STAC: variants seen among roughly 807,000 people sequenced by gnomAD.
STAC encodes the protein SH3 and cysteine rich domain.
A neutral mutation model predicts 48.8 loss-of-function variants in STAC; 43 were observed. The observed-to-expected ratio is 0.88, with a 90% CI of 0.69 to 1.14. The LOEUF is 1.14. Ranked by LOEUF, STAC falls within the 50% of genes most tolerant of loss-of-function variation. The pLI, the probability that STAC is intolerant of heterozygous loss-of-function variation, is 0.00. For missense variants in STAC, 497 were observed against 504.0 expected (o/e 0.99, Z 0.13); for synonymous variants, 193 against 179.5 (o/e 1.07, Z -0.60).
chr3:36,518,644 C>T (rs527504746), intron 8 of STAC, among the ~76,000 whole-genome samples: 33 of 152,296 alleles, frequency 2.2e-4, no homozygotes, highest in African/African-American at 6.5e-4. Flanking sequence ...CTCAGATTCT[C>T]CATGGGCAAG....
Position 36,431,892 on chromosome 3 carries a change from T to C in STAC, c.112-11472T>C, listed in dbSNP as rs1700713785. Reference sequence around the variant, plus strand: ...ATCTGCAAACTTCACTTCCTCTCAGTATTCAGTAGAAAAAAGGGCTATTAT... The same window carrying C: ...ATCTGCAAACTTCACTTCCTCTCAGCATTCAGTAGAAAAAAGGGCTATTAT... On this transcript the variant is annotated intron_variant, in intron 1 of 10. Transcript: ENST00000273183. Among the ~76,000 whole-genome samples the C allele has an allele frequency of 2.0e-5, 3 of 152,168 alleles. No homozygotes were observed. In the South Asian group the frequency reaches 6.2e-4, roughly 32 times the overall value.
intron 5 of STAC, among the ~76,000 whole-genome samples, chr3:36,490,037 G>T (rs78562003): frequency 6.6e-6 from 1 of 152,182 alleles, no homozygotes; most frequent in Non-Finnish European, 1.5e-5. Context: ...TGATTCTGAT[G>T]CACATTAAAG....
intron 8 of STAC, among the ~76,000 whole-genome samples, chr3:36,517,771 C>T (rs536454835): frequency 6.6e-6 from 1 of 152,152 alleles, no homozygotes; most frequent in South Asian, 2.1e-4. Context: ...TAACATAGAC[C>T]ATATGTCACA....
chr3:36,546,133 C>T lies in STAC; in HGVS notation c.1111-58C>T. The T allele has an allele frequency of 3.4e-6, 5 of 1,463,856 alleles. No homozygotes were observed. In the South Asian group the frequency reaches 4.6e-5, roughly 13 times the overall value. The allele number at this position is 1,463,856 out of a possible 1,614,324, so 90.7% of individuals were successfully genotyped here. ...TCAGCAGGGATTCAAGCTGCAGGTTCTAACTTCGTTCTTGCTGACAGTAAA... is the reference window on the plus strand; with the variant it reads ...TCAGCAGGGATTCAAGCTGCAGGTTTTAACTTCGTTCTTGCTGACAGTAAA... On this transcript the variant is annotated intron_variant, in intron 10 of 10. Transcript: ENST00000273183.
chr3:36,432,090 T>C (rs1700719835), intron 1 of STAC, among the ~76,000 whole-genome samples: 1 of 152,202 alleles, frequency 6.6e-6, no homozygotes, highest in Non-Finnish European at 1.5e-5. Context: ...TCACCAGATA[T>C]GGCAGAGGTG....
At chr3:36,418,966 G>C (rs1417401720) in intron 1 of STAC, among the ~76,000 whole-genome samples, 1 of 149,444 alleles carries the variant, frequency 6.7e-6, no homozygotes, top group African/African-American at 2.5e-5. Flanking sequence ...AGAATGGCTT[G>C]AACCTGAGAG....
chr3:36,524,124 A>G (rs181796197), intron 8 of STAC, among the ~76,000 whole-genome samples: 29 of 152,116 alleles, frequency 1.9e-4, no homozygotes, highest in African/African-American at 6.7e-4. Context: ...GATGTCCCAC[A>G]TTATCTAGTA....
intron 8 of STAC, among the ~76,000 whole-genome samples, chr3:36,518,140 A>G (rs942295264): frequency 5.3e-5 from 8 of 152,230 alleles, no homozygotes; most frequent in African/African-American, 1.9e-4. Context: ...TTTTCAATCA[A>G]CAATGACTTT....
At chr3:36,527,048 C>T (rs775118311) in intron 8 of STAC, among the ~76,000 whole-genome samples, 9 of 152,100 alleles carry the variant, frequency 5.9e-5, no homozygotes, top group Non-Finnish European at 8.8e-5. Flanking sequence ...TGTAAATAGC[C>T]CTTGCACTTG....
intron 4 of STAC, 173 bp from the exon 5 acceptor site, chr3:36,485,961 G>T: frequency 1.7e-6 from 1 of 587,650 alleles, no homozygotes; most frequent in Admixed American, 2.9e-5. Context: ...AGCATGCTGG[G>T]TGGGGGTGCA....
At chr3:36,506,138 T>A (rs538444632) in intron 8 of STAC, 8 of 204,390 alleles carry the variant, frequency 3.9e-5, no homozygotes, top group Admixed American at 2.3e-4. Context: ...TCAACAGAAC[T>A]GCTAATGGGA....
intron 8 of STAC, among the ~76,000 whole-genome samples, chr3:36,519,589 T>C (rs1442258257): frequency 6.6e-6 from 1 of 152,234 alleles, no homozygotes. Flanking sequence ...TCACATCACT[T>C]ATTTTAAGTG....
At chr3:36,416,051 C>T (rs947865316) in intron 1 of STAC, among the ~76,000 whole-genome samples, 7 of 152,084 alleles carry the variant, frequency 4.6e-5, no homozygotes, top group Non-Finnish European at 8.8e-5. Flanking sequence ...CTAAATAGGA[C>T]GTTGGCTCTT....
chr3:36,442,833 A>G (rs760202705), intron 1 of STAC, among the ~76,000 whole-genome samples: 5 of 149,464 alleles, frequency 3.3e-5, no homozygotes, highest in Non-Finnish European at 5.9e-5. Flanking sequence ...TTCAGACCCA[A>G]GCAGACTTGA....
At position 36,528,900 on chromosome 3, in the gene STAC, T is replaced by G; in HGVS notation, c.1025T>G (p.Leu342Arg). The change falls in exon 10 of 11, where the codon CTA (leucine) becomes CGA (arginine). Residue 342 changes from leucine to arginine, a missense_variant. Leu to Arg is a moderately radical substitution (Grantham distance 102). Transcript: ENST00000273183. ...GFFPANFVQR[L>R]QQNEKIFRCV... The stretch of plus-strand genomic sequence containing the variant: ...TTTCCAGCCAACTTTGTTCAGAGAC[T>G]ACAACAAAATGAGAAGATTTTTAGA... 1.2e-6 allele frequency: 2 copies of G among 1,613,762 alleles called. No individual in the cohort carries two copies. Among genetic ancestry groups the G allele is most frequent in the Non-Finnish European group, 1.7e-6 (2 of 1,179,824 alleles).
chr3:36,449,419 T>C (rs753874669), intron 2 of STAC, among the ~76,000 whole-genome samples: 3 of 152,194 alleles, frequency 2.0e-5, no homozygotes, highest in Non-Finnish European at 2.9e-5. Context: ...AGAGAGAATT[T>C]CTAACACTCG....
intron 1 of STAC, among the ~76,000 whole-genome samples, chr3:36,426,867 G>A (rs535706060): frequency 1.3e-5 from 2 of 151,786 alleles, no homozygotes; most frequent in Non-Finnish European, 2.9e-5. Context: ...ATCACCTCTC[G>A]ACATTTTGTG....
At chr3:36,539,498 T>C (rs1575272827) in intron 10 of STAC, among the ~76,000 whole-genome samples, 1 of 152,184 alleles carries the variant, frequency 6.6e-6, no homozygotes, top group South Asian at 2.1e-4. Context: ...CTAAGGACAA[T>C]GGCCTCCAGC....
intron 3 of STAC, among the ~76,000 whole-genome samples, chr3:36,483,866 G>A (rs965116786): frequency 1.3e-5 from 2 of 152,162 alleles, no homozygotes; most frequent in African/African-American, 2.4e-5. Flanking sequence ...TTAGAGGATC[G>A]CTTGAGCCCA....
Sources: gnomAD v4.1 joint callset for allele counts (sites outside exome capture counted in the v4.1 genomes callset) on GRCh38, gnomAD v4.1.1 for gene constraint, MANE v1.5 for transcripts, NCBI Gene and HGNC (gene_info 2026-07-23, HGNC 2026-07-21) for gene names.